Variants in UBE2H observed in about 807,000 individuals in gnomAD.
UBE2H encodes the protein ubiquitin conjugating enzyme E2 H.
A neutral mutation model predicts 29.0 loss-of-function variants in UBE2H; 3 were observed. The observed-to-expected ratio is 0.10, with a 90% CI of 0.05 to 0.27. The LOEUF is 0.27. Among genes scored for constraint, UBE2H ranks in the 10% least tolerant of loss-of-function variants. The pLI is 1.00. For synonymous variants in UBE2H, 69 were observed against 82.9 expected (o/e 0.83, Z 0.91); for missense variants, 68 against 228.2 (o/e 0.30, Z 4.52).
chr7:129,863,457 C>T (rs1196563020), intron 3 of UBE2H, among the ~76,000 whole-genome samples: 1 of 152,190 alleles, frequency 6.6e-6, no homozygotes, highest in Non-Finnish European at 1.5e-5. Flanking sequence ...TCTCCCAAAT[C>T]TCCACTCTTA....
chr7:129,893,220 G>A (rs563310221), intron 1 of UBE2H, among the ~76,000 whole-genome samples: 2 of 152,272 alleles, frequency 1.3e-5, no homozygotes, highest in East Asian at 1.9e-4. Flanking sequence ...CTTCTCTAGT[G>A]TTATGCTTCA....
intron 1 of UBE2H, among the ~76,000 whole-genome samples, chr7:129,928,146 C>T (rs931593296): frequency 1.3e-5 from 2 of 151,222 alleles, no homozygotes; most frequent in African/African-American, 4.9e-5. Context: ...TCCTGGCCAA[C>T]ACGGTGAAAC....
Position 129,952,385 on chromosome 7 carries a change from G to A in UBE2H, c.53+118C>T, listed in dbSNP as rs563686427. 3 of 1,268,878 alleles carry A rather than the reference G, an allele frequency of 2.4e-6. No homozygotes were observed. In the South Asian group the frequency reaches 4.7e-5, roughly 20 times the overall value. The allele number at this position is 1,268,878 out of a possible 1,614,324, so 78.6% of individuals were successfully genotyped here. ...GCCGCCGTAGGCACTGGGGGAGGAG[G>A]GGAGTCTCGGACAGTGGCCTGGAGT... On this transcript the variant is annotated intron_variant, in intron 1 of 6. Coordinates refer to ENST00000355621, the MANE Select transcript of UBE2H (RefSeq NM_003344.4).
chr7:129,872,580 G>A (rs917884600), intron 3 of UBE2H, among the ~76,000 whole-genome samples: 3 of 151,882 alleles, frequency 2.0e-5, no homozygotes, highest in Admixed American at 6.6e-5. Flanking sequence ...GGTGGCTCAC[G>A]CCTGTAATCT....
intron 1 of UBE2H, 73 bp downstream of exon 1, chr7:129,952,430 G>C (rs983870628): frequency 2.5e-6 from 4 of 1,570,400 alleles, no homozygotes; most frequent in Non-Finnish European, 3.5e-6. Context: ...CCCTTGCAGT[G>C]GTTCCGGGGG....
Position 129,839,550 on chromosome 7 carries a change from C to A in UBE2H, c.299-215G>T, listed in dbSNP as rs567293397. ...ATTTGAAGAACGAGATAAAGATATA[C>A]CTGACATTCACTTTGAAGGACAATT... On this transcript the variant is annotated intron_variant, in intron 5 of 6. Coordinates refer to ENST00000355621, the MANE Select transcript of UBE2H (RefSeq NM_003344.4). 9 of 499,052 alleles carry A rather than the reference C, an allele frequency of 1.8e-5. No homozygotes were observed. The African/African-American group carries it at 1.8e-4, about 10-fold the overall frequency. The allele number at this position is 499,052 out of a possible 1,614,324, so 30.9% of individuals were successfully genotyped here.
chr7:129,934,014 G>A (rs1264744107), intron 1 of UBE2H, among the ~76,000 whole-genome samples: 2 of 152,158 alleles, frequency 1.3e-5, no homozygotes, highest in African/African-American at 4.8e-5. Flanking sequence ...GTATTAGAAT[G>A]AAAAGTACAT....
intron 1 of UBE2H, among the ~76,000 whole-genome samples, chr7:129,906,246 C>T (rs1470908976): frequency 1.3e-5 from 2 of 149,474 alleles, no homozygotes; most frequent in Admixed American, 6.7e-5. Context: ...TGCTCTGTTG[C>T]CCAGGCTGGA....
intron 5 of UBE2H, 171 bp from the exon 6 acceptor site, chr7:129,839,506 T>C (rs1380145224): frequency 1.4e-6 from 1 of 733,330 alleles, no homozygotes; most frequent in Non-Finnish European, 2.1e-6. Context: ...TCAATACCAA[T>C]TTAAACATTT....
In UBE2H at chr7:129,835,173, G is replaced by T. The variant is rs186223816; in HGVS notation, c.428-112C>A. 57 of 1,444,408 alleles carry T rather than the reference G, an allele frequency of 3.9e-5. No homozygotes were observed. In the Admixed American group the frequency reaches 4.6e-4, roughly 12 times the overall value. The allele number at this position is 1,444,408 out of a possible 1,614,324, so 89.5% of individuals were successfully genotyped here. On this transcript the variant is annotated intron_variant, in intron 6 of 6. Coordinates refer to ENST00000355621, the MANE Select transcript of UBE2H (RefSeq NM_003344.4). Reference sequence around the variant, plus strand: ...GGTTCAAACTTACCTTGAACACCAGGGGGGACAAAGATGACAGTAATCATG... The same window carrying T: ...GGTTCAAACTTACCTTGAACACCAGTGGGGACAAAGATGACAGTAATCATG...
chr7:129,844,937 T>C (rs1003689285), intron 5 of UBE2H, among the ~76,000 whole-genome samples: 1 of 152,216 alleles, frequency 6.6e-6, no homozygotes, highest in Non-Finnish European at 1.5e-5. Flanking sequence ...CACACCAGCC[T>C]GGCCAACGTG....
intron 1 of UBE2H, among the ~76,000 whole-genome samples, chr7:129,922,948 T>C (rs1584788412): frequency 6.6e-6 from 1 of 151,774 alleles, no homozygotes; most frequent in African/African-American, 2.4e-5. Context: ...GTCGCCCAGG[T>C]TGGAGTGCAG....
At chr7:129,839,488 C>T in intron 5 of UBE2H, 153 bp from the exon 6 acceptor site, 1 of 902,532 alleles carries the variant, frequency 1.1e-6, no homozygotes, top group Non-Finnish European at 1.6e-6. Context: ...TTGTATTACA[C>T]ATTCATTTCA....
intron 1 of UBE2H, among the ~76,000 whole-genome samples, chr7:129,932,401 G>C (rs1388673973): frequency 6.6e-6 from 1 of 151,812 alleles, no homozygotes; most frequent in Non-Finnish European, 1.5e-5. Context: ...GGGATTATAG[G>C]CGTGAGGCAC....
intron 5 of UBE2H, among the ~76,000 whole-genome samples, chr7:129,842,698 T>C (rs1805448108): frequency 6.6e-6 from 1 of 151,054 alleles, no homozygotes; most frequent in Non-Finnish European, 1.5e-5. Context: ...AGGTCAGGAG[T>C]TTGAGACCAG....
chr7:129,875,582 T>C (rs2727485), intron 3 of UBE2H, among the ~76,000 whole-genome samples: 148,413 of 152,336 alleles, frequency 0.97, 72,365 homozygotes, highest in East Asian at 1. Flanking sequence ...ATACCTTTTC[T>C]AACACTGTTT....
chr7:129,872,734 T>G (rs992399269), intron 3 of UBE2H, among the ~76,000 whole-genome samples: 1 of 147,478 alleles, frequency 6.8e-6, no homozygotes, highest in African/African-American at 2.5e-5. Flanking sequence ...TCCCAGCTAC[T>G]CAGGAGGCTG....
chr7:129,913,966 C>T (rs1806992264), intron 1 of UBE2H, among the ~76,000 whole-genome samples: 1 of 152,112 alleles, frequency 6.6e-6, no homozygotes, highest in South Asian at 2.1e-4. Context: ...GGAATCTGGA[C>T]ACTAGGAAAC....
chr7:129,916,025 A>G (rs1195725415), intron 1 of UBE2H, among the ~76,000 whole-genome samples: 1 of 152,206 alleles, frequency 6.6e-6, no homozygotes, highest in Non-Finnish European at 1.5e-5. Context: ...AAAGCCAGAA[A>G]AAATCCATAA....
Sources: gnomAD v4.1 joint callset for allele counts (sites outside exome capture counted in the v4.1 genomes callset) on GRCh38, gnomAD v4.1.1 for gene constraint, MANE v1.5 for transcripts, NCBI Gene and HGNC (gene_info 2026-07-23, HGNC 2026-07-21) for gene names.